Variants in HNF1B observed in about 807,000 individuals in gnomAD.
HNF1B encodes the protein HNF1 homeobox B.
In HNF1B, 8 loss-of-function variants were observed where a neutral mutation model predicts 61.7. The observed-to-expected ratio is 0.13, with a 90% CI of 0.08 to 0.23. The LOEUF is 0.23. Among genes scored for constraint, HNF1B ranks in the 10% least tolerant of loss-of-function variants. The probability of loss-of-function intolerance (pLI) is 1.00; values close to 1 mark genes in which losing one functional copy is unlikely to be tolerated. For missense variants in HNF1B, 562 were observed against 714.5 expected (o/e 0.79, Z 2.43); for synonymous variants, 314 against 287.7 (o/e 1.09, Z -0.93).
chr17:37,744,778 G>T lies in HNF1B; in HGVS notation c.107C>A (p.Ser36Tyr). The T allele has an allele frequency of 6.2e-7, 1 of 1,613,622 alleles. No individual in the cohort carries two copies. The highest frequency in any genetic ancestry group is 1.1e-5 in the South Asian group (1 of 91,082). The stretch of plus-strand genomic sequence containing the variant: ...CTCCAGCTTCACCCCGAAGTTCGGG[G>T]ATGGCAGCAACTCCTCCAAGGCCTG... ...LVQALEELLP[S>Y]PNFGVKLETL... The change falls in exon 1 of 9, where the codon TCC (serine) becomes TAC (tyrosine). Residue 36 changes from serine to tyrosine, a missense_variant. Ser to Tyr is a moderately radical substitution (Grantham distance 144). Around this residue, in one of 6 missense-constraint regions of HNF1B, gnomAD observed 148 missense variants for 147.3 expected, o/e 1.00. Transcript: ENST00000617811.
At chr17:37,733,491 C>T (rs779716410) in intron 3 of HNF1B, 66 bp downstream of exon 3, 3 of 1,577,530 alleles carry the variant, frequency 1.9e-6, no homozygotes, top group Non-Finnish European at 2.6e-6. Flanking sequence ...TATCCCAGGA[C>T]CGAGGGGAGG....
Position 37,710,315 on chromosome 17 carries a change from G to A in HNF1B, c.1206+188C>T, listed in dbSNP as rs543547095. 8.5e-5 allele frequency among the ~76,000 whole-genome samples: 13 copies of A among 152,296 alleles called. No homozygotes were observed. The South Asian group carries it at 1.7e-3, about 19-fold the overall frequency. ...CAGATTTATTGGCTGGGTTCAAACCGAACACCTCTTCTACCCGCCAAAGGC... is the reference window on the plus strand; with the variant it reads ...CAGATTTATTGGCTGGGTTCAAACCAAACACCTCTTCTACCCGCCAAAGGC... On this transcript the variant is annotated intron_variant, in intron 5 of 8. Coordinates refer to ENST00000617811, the MANE Select transcript of HNF1B (RefSeq NM_000458.4).
intron 8 of HNF1B, among the ~76,000 whole-genome samples, chr17:37,690,854 C>T (rs1263290174): frequency 1.3e-5 from 2 of 152,186 alleles, no homozygotes; most frequent in Non-Finnish European, 2.9e-5. Flanking sequence ...TGTGAGTGAG[C>T]ACTCAGTAGG....
At chr17:37,738,884 A>T (rs2147572629) in intron 2 of HNF1B, among the ~76,000 whole-genome samples, 1 of 152,310 alleles carries the variant, frequency 6.6e-6, no homozygotes, top group African/African-American at 2.4e-5. Context: ...AGTGTTGGTA[A>T]ATGTGGGTAA....
At chr17:37,720,397 G>T (rs997683466) in intron 4 of HNF1B, among the ~76,000 whole-genome samples, 1 of 152,058 alleles carries the variant, frequency 6.6e-6, no homozygotes, top group Non-Finnish European at 1.5e-5. Context: ...AAACTTTCTG[G>T]TAACATTAAA....
intron 7 of HNF1B, 80 bp downstream of exon 7, chr17:37,700,903 A>C: frequency 7.5e-7 from 1 of 1,336,738 alleles, no homozygotes; most frequent in Non-Finnish European, 1.0e-6. Context: ...ACTTCCGAGA[A>C]AGTTCAGACC....
At chr17:37,722,807 AG>A (rs1340121919) in intron 4 of HNF1B, among the ~76,000 whole-genome samples, 1 of 152,142 alleles carries the variant, frequency 6.6e-6, no homozygotes, top group African/African-American at 2.4e-5. Context: ...TCACAGGTTG[AG>A]GGAAGTGGTT....
chr17:37,732,475 T>C (rs945329654), intron 3 of HNF1B, among the ~76,000 whole-genome samples: 3 of 152,154 alleles, frequency 2.0e-5, no homozygotes, highest in African/African-American at 7.2e-5. Flanking sequence ...GAGGACTCAG[T>C]GGCAATACAG....
chr17:37,702,753 A>G (rs1050344225), intron 6 of HNF1B, among the ~76,000 whole-genome samples: 2 of 152,174 alleles, frequency 1.3e-5, no homozygotes, highest in Admixed American at 1.3e-4. Flanking sequence ...ACAAATATAC[A>G]TTCCTGGGCC....
chr17:37,689,839 G>A (rs1439510973), intron 8 of HNF1B, among the ~76,000 whole-genome samples: 7 of 152,248 alleles, frequency 4.6e-5, no homozygotes, highest in African/African-American at 1.7e-4. Context: ...ACCCTTTGAA[G>A]TAGGTGATTA....
chr17:37,732,851 T>A lies in HNF1B; in HGVS notation c.809+706A>T, dbSNP rs571749001. ...CAGAGTTGTTTTTTTGTTTTTTTGTTTTTTTTTTAAATAGAGATAGGGTTT... is the reference window on the plus strand; with the variant it reads ...CAGAGTTGTTTTTTTGTTTTTTTGTATTTTTTTTAAATAGAGATAGGGTTT... On this transcript the variant is annotated intron_variant, in intron 3 of 8. Coordinates refer to ENST00000617811, the MANE Select transcript of HNF1B (RefSeq NM_000458.4). 7.2e-3 allele frequency among the ~76,000 whole-genome samples: 1,085 copies of A among 151,212 alleles called. 6 individuals carry two copies. The highest frequency in any genetic ancestry group is 0.012 in the Non-Finnish European group (796 of 67,740).
chr17:37,692,375 G>A (rs1314464271), intron 8 of HNF1B, among the ~76,000 whole-genome samples: 1 of 152,216 alleles, frequency 6.6e-6, no homozygotes, highest in Non-Finnish European at 1.5e-5. Flanking sequence ...TGTTTAATGA[G>A]TTTGGAGTGA....
intron 2 of HNF1B, among the ~76,000 whole-genome samples, chr17:37,737,208 T>G (rs2033857552): frequency 6.6e-6 from 1 of 152,222 alleles, no homozygotes; most frequent in Non-Finnish European, 1.5e-5. Flanking sequence ...TTCCTAATTC[T>G]TATATCATGC....
intron 4 of HNF1B, among the ~76,000 whole-genome samples, chr17:37,715,416 G>T (rs560034055): frequency 9.2e-5 from 14 of 152,322 alleles, no homozygotes; most frequent in African/African-American, 3.1e-4. Flanking sequence ...TTATTGTAGT[G>T]AAAGTGTAAA....
At chr17:37,688,426 CACCT>C (rs1429011801) in intron 8 of HNF1B, among the ~76,000 whole-genome samples, 1 of 151,336 alleles carries the variant, frequency 6.6e-6, no homozygotes, top group African/African-American at 2.4e-5. Context: ...CACACACTTA[CACCT>C]ACCAATACCA....
At chr17:37,696,381 G>A (rs569651943) in intron 8 of HNF1B, among the ~76,000 whole-genome samples, 1 of 152,282 alleles carries the variant, frequency 6.6e-6, no homozygotes, top group Non-Finnish European at 1.5e-5. Context: ...AAGCTGCAGT[G>A]AGCTGTGATT....
chr17:37,723,897 G>C (rs2033407339), intron 4 of HNF1B, among the ~76,000 whole-genome samples: 1 of 152,112 alleles, frequency 6.6e-6, no homozygotes, highest in African/African-American at 2.4e-5. Flanking sequence ...CACACCTCAA[G>C]AGGCAAGCAC....
intron 8 of HNF1B, among the ~76,000 whole-genome samples, chr17:37,696,476 C>T (rs934745511): frequency 1.3e-5 from 2 of 152,078 alleles, no homozygotes; most frequent in African/African-American, 4.8e-5. Flanking sequence ...GAGCCCAGGG[C>T]AGGGCCTCTC....
rs1223571194 is a variant in HNF1B, at chr17:37,694,455, CA to C, written c.1653+4620del. ...GCCCCGCCGCCCCCCCCCCCCCCCG[CA>C]AAAAAAAAAGATACTTGAAGATGTG... On this transcript the variant is annotated intron_variant, in intron 8 of 8. Transcript: ENST00000617811. 2.3e-4 allele frequency among the ~76,000 whole-genome samples: 16 copies of C among 68,150 alleles called. 1 individual carries two copies. Among genetic ancestry groups the C allele is most frequent in the South Asian group, 2.0e-3 (3 of 1,514 alleles). The allele number at this position is 68,150 out of a possible 152,430, so 44.7% of individuals were successfully genotyped here. A position where few individuals can be genotyped will look rare whatever the true frequency, so the allele number is the denominator to read the frequency against.
Sources: gnomAD v4.1 joint callset for allele counts (sites outside exome capture counted in the v4.1 genomes callset) on GRCh38, gnomAD v4.1.1 for gene constraint, gnomAD v4.1.1 regional missense constraint, MANE v1.5 for transcripts, NCBI Gene and HGNC (gene_info 2026-07-23, HGNC 2026-07-21) for gene names.